The following CLNK variants were observed in gnomAD, a reference collection of about 807,000 sequenced individuals.
CLNK encodes cytokine-dependent hematopoietic cell linker.
Under a neutral mutation model 68.6 loss-of-function variants are expected in CLNK, and 74 were observed. That is an observed-to-expected ratio of 1.08 (90% CI 0.89 to 1.31). The LOEUF is 1.31. CLNK is among the 50% of genes most tolerant of loss of function. CLNK has a pLI of 0.00. For missense variants in CLNK, 553 were observed against 515.3 expected (o/e 1.07, Z -0.71); for synonymous variants, 198 against 172.2 (o/e 1.15, Z -1.17).
intron 2 of CLNK, among the ~76,000 whole-genome samples, chr4:10,647,766 A>T (rs377292793): frequency 6.6e-6 from 1 of 152,176 alleles, no homozygotes. Flanking sequence ...TGTAAAAAAA[A>T]TGTTTCACTT....
chr4:10,501,860 G>C (rs1414420474), intron 17 of CLNK, among the ~76,000 whole-genome samples: 2 of 152,246 alleles, frequency 1.3e-5, no homozygotes, highest in Non-Finnish European at 2.9e-5. Flanking sequence ...CCAGGAGGCA[G>C]AGATTGCAGT....
intron 2 of CLNK, among the ~76,000 whole-genome samples, chr4:10,642,613 T>C (rs1723352367): frequency 6.6e-6 from 1 of 152,096 alleles, no homozygotes; most frequent in African/African-American, 2.4e-5. Context: ...TGTATGCATG[T>C]GGGTAAGTCA....
the CLNK span, among the ~76,000 whole-genome samples, chr4:10,715,703 C>T: frequency 1.3e-5 from 2 of 152,316 alleles, no homozygotes; most frequent in African/African-American, 4.8e-5. Flanking sequence ...ATTAAGTTTA[C>T]ATTACTTAAG....
chr4:10,606,264 G>A (rs1385421121), intron 2 of CLNK, among the ~76,000 whole-genome samples: 1 of 152,122 alleles, frequency 6.6e-6, no homozygotes, highest in Non-Finnish European at 1.5e-5. Context: ...GCCTAGGCCT[G>A]CATAGGGTCA....
chr4:10,507,893 C>T (rs1025234038), intron 17 of CLNK, 66 bp downstream of exon 17: 33 of 1,176,208 alleles, frequency 2.8e-5, no homozygotes, highest in Middle Eastern at 3.9e-4. Flanking sequence ...CGTCTTGTGA[C>T]ACATAAGCAG....
At chr4:10,582,091 A>AAGACAAT (rs1460133924) in intron 4 of CLNK, among the ~76,000 whole-genome samples, 2 of 152,164 alleles carry the variant, frequency 1.3e-5, no homozygotes, top group African/African-American at 4.8e-5. Context: ...TTAATCCTTG[A>AAGACAAT]GTTTACCAAT....
chr4:10,539,238 G>A (rs61797529), intron 11 of CLNK, among the ~76,000 whole-genome samples: 4,382 of 152,336 alleles, frequency 0.029, 93 homozygotes, highest in Non-Finnish European at 0.044. Flanking sequence ...TTCCATGGGA[G>A]AGACAACAAA....
At chr4:10,673,260 G>A (rs1209228249) in intron 1 of CLNK, among the ~76,000 whole-genome samples, 3 of 151,606 alleles carry the variant, frequency 2.0e-5, no homozygotes, top group Admixed American at 6.6e-5. Flanking sequence ...AGGTATTATG[G>A]GAACACAGGG....
chr4:10,690,460 G>A, the CLNK span, among the ~76,000 whole-genome samples: 2 of 152,096 alleles, frequency 1.3e-5, no homozygotes, highest in Non-Finnish European at 2.9e-5. Flanking sequence ...TGTAGAAAGA[G>A]CTGTTTTTGA....
chr4:10,558,007 G>A (rs574820394), intron 8 of CLNK, among the ~76,000 whole-genome samples: 2 of 152,262 alleles, frequency 1.3e-5, no homozygotes, highest in East Asian at 1.9e-4. Flanking sequence ...TTCAAATTGA[G>A]TTGTTTTGCC....
intron 2 of CLNK, among the ~76,000 whole-genome samples, chr4:10,662,939 C>T (rs1052753025): frequency 6.6e-6 from 1 of 152,194 alleles, no homozygotes; most frequent in Admixed American, 6.5e-5. Flanking sequence ...GACCTTTGCT[C>T]TCTGATCTAT....
chr4:10,518,562 T>C (rs1352232967), intron 15 of CLNK, among the ~76,000 whole-genome samples: 2 of 152,206 alleles, frequency 1.3e-5, no homozygotes, highest in Non-Finnish European at 2.9e-5. Flanking sequence ...AATAACGTTG[T>C]TACTACTTTG....
intron 2 of CLNK, among the ~76,000 whole-genome samples, chr4:10,666,266 A>G (rs914898271): frequency 2.0e-5 from 3 of 152,164 alleles, no homozygotes; most frequent in African/African-American, 7.2e-5. Context: ...GGTGGTGGTA[A>G]TTTGTTAGAG....
chr4:10,667,571 A>T (rs1724449099), intron 2 of CLNK, among the ~76,000 whole-genome samples: 1 of 152,102 alleles, frequency 6.6e-6, no homozygotes, highest in South Asian at 2.1e-4. Context: ...CCATGGGTGG[A>T]AACTGTCTGG....
chr4:10,619,217 A>G (rs113855113), intron 2 of CLNK, among the ~76,000 whole-genome samples: 238 of 152,328 alleles, frequency 1.6e-3, no homozygotes, highest in Non-Finnish European at 2.4e-3. Context: ...TCAAGCTAAC[A>G]ATGCCTAGCT....
the CLNK span, among the ~76,000 whole-genome samples, chr4:10,700,024 GTGTA>G: frequency 4.0e-5 from 6 of 151,564 alleles, no homozygotes; most frequent in South Asian, 1.0e-3. Context: ...GTGTGTGTGT[GTGTA>G]TATATATATT....
chr4:10,713,715 C>G, the CLNK span, among the ~76,000 whole-genome samples: 2 of 152,086 alleles, frequency 1.3e-5, no homozygotes, highest in Non-Finnish European at 2.9e-5. Flanking sequence ...TTCTTACATT[C>G]TTAGTTCATG....
the CLNK span, among the ~76,000 whole-genome samples, chr4:10,723,919 A>AGAGAGAGAGACAGAGAGAGAG: frequency 1.4e-5 from 2 of 148,020 alleles, no homozygotes; most frequent in Non-Finnish European, 1.5e-5. Flanking sequence ...AGAGAGAGAG[A>AGAGAGAGAGACAGAGAGAGAG]AGGCAGGGCA....
intron 16 of CLNK, 131 bp downstream of exon 16, chr4:10,513,333 C>A: frequency 1.4e-6 from 1 of 709,514 alleles, no homozygotes; most frequent in South Asian, 2.3e-5. Flanking sequence ...TATTAAAACC[C>A]AGTAACATAT....
Sources: allele counts gnomAD v4.1 joint callset (sites outside exome capture counted in the v4.1 genomes callset), GRCh38; gene constraint gnomAD v4.1.1; transcripts MANE v1.5; gene names NCBI Gene and HGNC (gene_info 2026-07-23, HGNC 2026-07-21).